Variants in MCTP1 observed in about 807,000 individuals in gnomAD.
The protein encoded by MCTP1 is multiple C2 and transmembrane domain-containing protein 1.
In MCTP1, 69 loss-of-function variants were observed where a neutral mutation model predicts 120.6. The ratio of observed to expected loss-of-function variants is 0.57; its 90% CI spans 0.47 to 0.70. MCTP1 has a LOEUF of 0.70. MCTP1 is among the 30% of genes least tolerant of loss of function. The probability of loss-of-function intolerance (pLI) is 0.00; values close to 1 mark genes in which losing one functional copy is unlikely to be tolerated. For synonymous variants in MCTP1, 529 were observed against 493.1 expected, an observed-to-expected ratio of 1.07 and a Z score of -0.96; for missense variants, 1,203 against 1,248.8, an observed-to-expected ratio of 0.96 and a Z score of 0.55.
In MCTP1 at chr5:95,121,414, A is replaced by G. The variant is rs146835987; in HGVS notation, c.721-103930T>C. 6.3e-3 allele frequency among the ~76,000 whole-genome samples: 958 copies of G among 152,140 alleles called. 8 individuals carry two copies. Among genetic ancestry groups the G allele is most frequent in the Non-Finnish European group, 9.3e-3 (634 of 67,984 alleles). On this transcript the variant is annotated intron_variant, in intron 1 of 22. Transcript: ENST00000515393. Reference sequence around the variant, plus strand: ...AATTCCATTTACAATAACCACAAATAAAATAAAATACCTAGGAATTAACTT... The same window carrying G: ...AATTCCATTTACAATAACCACAAATGAAATAAAATACCTAGGAATTAACTT...
intron 2 of MCTP1, among the ~76,000 whole-genome samples, chr5:94,991,569 C>T (rs1346837547): frequency 2.0e-5 from 3 of 152,076 alleles, no homozygotes; most frequent in Admixed American, 6.6e-5. Flanking sequence ...ATTAGTGTGA[C>T]ATTTAAGAAG....
At chr5:94,884,670 T>C (rs1324218902) in intron 12 of MCTP1, among the ~76,000 whole-genome samples, 1 of 152,076 alleles carries the variant, frequency 6.6e-6, no homozygotes, top group African/African-American at 2.4e-5. Context: ...ATTGAACACA[T>C]CTTAATTAAA....
At chr5:95,227,952 G>C (rs1754469217) in intron 1 of MCTP1, among the ~76,000 whole-genome samples, 1 of 152,092 alleles carries the variant, frequency 6.6e-6, no homozygotes, top group African/African-American at 2.4e-5. Context: ...GAAGAGCTCA[G>C]AAGTCAGGAT....
intron 19 of MCTP1, among the ~76,000 whole-genome samples, chr5:94,772,044 AGTTT>A (rs1399358059): frequency 1.3e-5 from 2 of 151,878 alleles, no homozygotes; most frequent in Non-Finnish European, 2.9e-5. Context: ...CCTACCAGTT[AGTTT>A]GTGTTTTACT....
chr5:95,117,065 A>T (rs1490919249), intron 1 of MCTP1, among the ~76,000 whole-genome samples: 1 of 152,188 alleles, frequency 6.6e-6, no homozygotes, highest in East Asian at 1.9e-4. Flanking sequence ...CAACCCCATT[A>T]AAAGGTGGGC....
intron 19 of MCTP1, among the ~76,000 whole-genome samples, chr5:94,776,683 T>C (rs1561616960): frequency 3.3e-5 from 5 of 152,190 alleles, no homozygotes; most frequent in Admixed American, 2.6e-4. Flanking sequence ...TAATGAGAGC[T>C]AGAGGTCAGT....
At chr5:95,123,995 T>G (rs1758436250) in intron 1 of MCTP1, among the ~76,000 whole-genome samples, 1 of 152,140 alleles carries the variant, frequency 6.6e-6, no homozygotes, top group Admixed American at 6.5e-5. Context: ...AATGTACAAA[T>G]AAGGGTTTTC....
At chr5:94,956,858 G>A (rs891647297) in intron 2 of MCTP1, among the ~76,000 whole-genome samples, 8 of 152,130 alleles carry the variant, frequency 5.3e-5, no homozygotes, top group African/African-American at 1.9e-4. Flanking sequence ...GGATATCCAG[G>A]AGAACTTCCC....
At chr5:95,179,060 A>G (rs2152511301) in intron 1 of MCTP1, among the ~76,000 whole-genome samples, 1 of 152,350 alleles carries the variant, frequency 6.6e-6, no homozygotes, top group East Asian at 1.9e-4. Context: ...AATAGAATAA[A>G]ATGATCAGAA....
chr5:94,757,972 G>A (rs1386927565), intron 19 of MCTP1, among the ~76,000 whole-genome samples: 1 of 152,190 alleles, frequency 6.6e-6, no homozygotes, highest in Non-Finnish European at 1.5e-5. Context: ...GGAGGATCAA[G>A]TGAAGTTATT....
At chr5:94,972,927 TAA>T (rs1827224328) in intron 2 of MCTP1, among the ~76,000 whole-genome samples, 1 of 150,802 alleles carries the variant, frequency 6.6e-6, no homozygotes, top group Non-Finnish European at 1.5e-5. Context: ...CAAAGTCCAC[TAA>T]ATGAACAAAA....
intron 6 of MCTP1, chr5:94,929,749 AT>A: frequency 4.5e-6 from 4 of 886,248 alleles, no homozygotes; most frequent in Non-Finnish European, 5.4e-6. Context: ...CTTTCCCCCG[AT>A]TTTGGATTTA....
At chr5:94,717,867 G>T (rs1379446188) in intron 19 of MCTP1, among the ~76,000 whole-genome samples, 1 of 152,026 alleles carries the variant, frequency 6.6e-6, no homozygotes, top group Non-Finnish European at 1.5e-5. Context: ...AAGGAAATCA[G>T]CGAGGACACA....
At chr5:95,038,235 C>T (rs757458725) in intron 1 of MCTP1, 5 of 359,796 alleles carry the variant, frequency 1.4e-5, no homozygotes, top group Non-Finnish European at 1.9e-5. Flanking sequence ...ACAAAGTATC[C>T]TTCAGTGAAT....
At chr5:95,118,820 T>C (rs1261719562) in intron 1 of MCTP1, among the ~76,000 whole-genome samples, 1 of 152,168 alleles carries the variant, frequency 6.6e-6, no homozygotes, top group African/African-American at 2.4e-5. Flanking sequence ...AAGGGGTCAA[T>C]TCAGCACAAT....
chr5:95,168,532 G>C (rs1363303653), intron 1 of MCTP1, among the ~76,000 whole-genome samples: 3 of 152,172 alleles, frequency 2.0e-5, no homozygotes, highest in Non-Finnish European at 4.4e-5. Context: ...CCATGAGCAT[G>C]GAATGAATGT....
intron 1 of MCTP1, among the ~76,000 whole-genome samples, chr5:95,270,727 C>T (rs1356796030): frequency 3.3e-5 from 5 of 152,030 alleles, no homozygotes; most frequent in African/African-American, 7.2e-5. Flanking sequence ...GTCAGGAGTT[C>T]GAGACCAACC....
At chr5:95,157,746 T>C (rs1410490931) in intron 1 of MCTP1, among the ~76,000 whole-genome samples, 3 of 152,206 alleles carry the variant, frequency 2.0e-5, no homozygotes, top group African/African-American at 7.2e-5. Context: ...AATATATGAT[T>C]ACATGGAGCA....
At chr5:95,133,350 A>G (rs1032095926) in intron 1 of MCTP1, among the ~76,000 whole-genome samples, 2 of 152,258 alleles carry the variant, frequency 1.3e-5, no homozygotes, top group African/African-American at 4.8e-5. Context: ...ATTAGCAATA[A>G]CTAATAATAA....
Sources: allele counts gnomAD v4.1 joint callset (sites outside exome capture counted in the v4.1 genomes callset), GRCh38; gene constraint gnomAD v4.1.1; transcripts MANE v1.5; gene names NCBI Gene and HGNC (gene_info 2026-07-23, HGNC 2026-07-21).